Variants in OR8B3 observed in about 807,000 individuals in gnomAD.
OR8B3 encodes the protein olfactory receptor family 8 subfamily B member 3, also known as olfactory receptor 8B3.
For missense variants in OR8B3, 278 were observed against 377.6 expected, an observed-to-expected ratio of 0.74 and a Z score of 2.19; for synonymous variants, 102 against 135.4, an observed-to-expected ratio of 0.75 and a Z score of 1.71.
upstream of OR8B3, among the ~76,000 whole-genome samples, chr11:124,401,854 C>A (rs529058242): frequency 1.3e-5 from 2 of 152,340 alleles, no homozygotes; most frequent in East Asian, 3.9e-4. Flanking sequence ...TAAGGCTGAG[C>A]ACTGTGCTTC....
the OR8B3 span, among the ~76,000 whole-genome samples, chr11:124,405,377 C>T: frequency 6.6e-6 from 1 of 152,190 alleles, no homozygotes; most frequent in African/African-American, 2.4e-5. Context: ...GCCGTTTCAG[C>T]ACTTCCTCCC....
chr11:124,404,005 C>G (rs958577536), upstream of OR8B3, among the ~76,000 whole-genome samples: 2 of 152,224 alleles, frequency 1.3e-5, no homozygotes, highest in African/African-American at 2.4e-5. Flanking sequence ...CCCAGGCACT[C>G]GGCAGGCTGA....
chr11:124,399,803 A>G (rs1451994192), upstream of OR8B3, among the ~76,000 whole-genome samples: 2 of 152,098 alleles, frequency 1.3e-5, no homozygotes. Context: ...ACATGCTCGT[A>G]TGTATGTGTG....
chr11:124,402,552 A>G (rs949595890), upstream of OR8B3, among the ~76,000 whole-genome samples: 1 of 152,210 alleles, frequency 6.6e-6, no homozygotes, highest in African/African-American at 2.4e-5. Flanking sequence ...TGCACGGTGC[A>G]TGCCAAACCT....
the OR8B3 span, chr11:124,404,219 G>A: frequency 6.6e-6 from 1 of 152,150 alleles, no homozygotes; most frequent in Admixed American, 6.5e-5. Flanking sequence ...GTATAAATAC[G>A]TTCTATAGCT....
Position 124,396,651 on chromosome 11 carries a change from C to A in OR8B3, c.701G>T (p.Arg234Ile), listed in dbSNP as rs1372272364. 6.2e-7 allele frequency: 1 copy of A among 1,611,382 alleles called. No individual in the cohort carries two copies. The highest frequency in any genetic ancestry group is 8.5e-7 in the Non-Finnish European group (1 of 1,178,930). ...SILHIKSTQGRSKAFSTCSSH... is the reference protein window; with the variant it reads ...SILHIKSTQGISKAFSTCSSH... ...GCTACAAGTACTGAAGGCTTTTGAT[C>A]TTCCTTGAGTGGATTTGATATGAAG... Residue 234 changes from arginine (R) to isoleucine (I), a missense_variant, in exon 2 of 2, where the codon AGA (arginine) becomes ATA (isoleucine). Arg to Ile is a moderately conservative substitution (Grantham distance 97, BLOSUM62 -3). Coordinates refer to ENST00000641139, the MANE Select transcript of OR8B3 (RefSeq NM_001005467.2).
Position 124,396,412 on chromosome 11 carries a change from A to C in OR8B3, c.940T>G (p.Ter314GluextTer7). ...TTTTACATTATTACTGCTTCTAATT[A>C]GAATATATTTCTTCTCTGAATTTTA... ...LIKIQRRNIF[*>E] is the part of the protein sequence containing the mutation. Residue 314 changes from the stop codon to glutamate (E), a stop_lost, in exon 2 of 2, where the codon TAA becomes GAA. Coordinates refer to ENST00000641139, the MANE Select transcript of OR8B3 (RefSeq NM_001005467.2). 1 of 1,592,236 alleles carries C rather than the reference A, an allele frequency of 6.3e-7. No homozygotes were observed. Among genetic ancestry groups the C allele is most frequent in the South Asian group, 1.2e-5 (1 of 86,184 alleles).
At chr11:124,405,116 G>GATCTAT in the OR8B3 span, 1 of 152,180 alleles carries the variant, frequency 6.6e-6, no homozygotes, top group Non-Finnish European at 1.5e-5. Flanking sequence ...TTCATGGTAT[G>GATCTAT]ATCTATAAGA....
chr11:124,402,284 T>A (rs1861006157), upstream of OR8B3, among the ~76,000 whole-genome samples: 2 of 152,258 alleles, frequency 1.3e-5, no homozygotes, highest in African/African-American at 4.8e-5. Flanking sequence ...TATCCACAAG[T>A]TGGTTTTAAA....
chr11:124,401,289 G>T (rs968139800), upstream of OR8B3, among the ~76,000 whole-genome samples: 2 of 144,872 alleles, frequency 1.4e-5, no homozygotes, highest in Non-Finnish European at 3.0e-5. Flanking sequence ...ACCCACTCTT[G>T]CTATAAAGGC....
the OR8B3 span, among the ~76,000 whole-genome samples, chr11:124,406,367 GGTAA>G: frequency 6.6e-6 from 1 of 152,160 alleles, no homozygotes; most frequent in East Asian, 1.9e-4. Flanking sequence ...GAAAGAGTCT[GGTAA>G]GTGTTTGTTC....
chr11:124,402,305 A>G (rs1301311766), upstream of OR8B3, among the ~76,000 whole-genome samples: 6 of 152,250 alleles, frequency 3.9e-5, no homozygotes, highest in Non-Finnish European at 8.8e-5. Flanking sequence ...AATGCTTCAC[A>G]TTCTGAAACA....
At chr11:124,402,295 A>T (rs1435831840), upstream of OR8B3, among the ~76,000 whole-genome samples, 5 of 152,212 alleles carry the variant, frequency 3.3e-5, no homozygotes, top group Non-Finnish European at 5.9e-5. Context: ...TGGTTTTAAA[A>T]ATGCTTCACA....
upstream of OR8B3, among the ~76,000 whole-genome samples, chr11:124,399,343 A>C (rs1860951989): frequency 6.6e-6 from 1 of 152,212 alleles, no homozygotes. Context: ...TTACTTTTGC[A>C]TACTTCATAG....
upstream of OR8B3, among the ~76,000 whole-genome samples, chr11:124,402,314 C>T (rs635933): frequency 0.37 from 56,965 of 152,070 alleles, 11,627 homozygotes; most frequent in African/African-American, 0.56. Flanking sequence ...CATTCTGAAA[C>T]AGTTCTTCAA....
At chr11:124,397,645 A>C (rs1860912554) in intron 1 of OR8B3, among the ~76,000 whole-genome samples, 1 of 151,456 alleles carries the variant, frequency 6.6e-6, no homozygotes, top group Non-Finnish European at 1.5e-5. Flanking sequence ...AGCTTGGGTT[A>C]TGTGGATGTG....
At chr11:124,401,925 T>C (rs1049586678), upstream of OR8B3, among the ~76,000 whole-genome samples, 3 of 152,230 alleles carry the variant, frequency 2.0e-5, no homozygotes, top group Non-Finnish European at 4.4e-5. Context: ...CACAATGGTC[T>C]CTGTCCTTCT....
At chr11:124,409,028 G>A in the OR8B3 span, among the ~76,000 whole-genome samples, 2 of 152,106 alleles carry the variant, frequency 1.3e-5, no homozygotes, top group Non-Finnish European at 2.9e-5. Context: ...GGCTCATCTC[G>A]GAATTCTTTT....
At chr11:124,405,196 G>A in the OR8B3 span, 1 of 152,160 alleles carries the variant, frequency 6.6e-6, no homozygotes, top group Non-Finnish European at 1.5e-5. Flanking sequence ...TGGATCTGCT[G>A]GATTGTCAGC....
Sources: allele counts gnomAD v4.1 joint callset (sites outside exome capture counted in the v4.1 genomes callset), GRCh38; gene constraint gnomAD v4.1.1; transcripts MANE v1.5; gene names NCBI Gene and HGNC (gene_info 2026-07-23, HGNC 2026-07-21).